Variants in GABRA6 observed in about 807,000 individuals in gnomAD.
The protein encoded by GABRA6 is gamma-aminobutyric acid type A receptor subunit alpha6, also known as gamma-aminobutyric acid receptor subunit alpha-6.
GABRA6 carries 45 observed loss-of-function variants against 47.3 expected under a neutral mutation model. That is an observed-to-expected ratio of 0.95 (90% CI 0.75 to 1.22). The LOEUF is 1.22. Ranked by LOEUF, GABRA6 falls within the 50% of genes most tolerant of loss-of-function variation. The probability of loss-of-function intolerance (pLI) is 0.00; values close to 1 mark genes in which losing one functional copy is unlikely to be tolerated. For missense variants in GABRA6, 583 were observed against 549.3 expected, an observed-to-expected ratio of 1.06 and a Z score of -0.61; for synonymous variants, 219 against 194.7, an observed-to-expected ratio of 1.12 and a Z score of -1.04.
intron 3 of GABRA6, 109 bp downstream of exon 3, chr5:161,687,112 A>G: frequency 1.1e-6 from 1 of 873,522 alleles, no homozygotes; most frequent in Non-Finnish European, 1.9e-6. Context: ...GATTCATGAC[A>G]CAATATTTGT....
Position 161,690,188 on chromosome 5 carries a change from T to A in GABRA6, c.674-13T>A. 6.2e-7 allele frequency: 1 copy of A among 1,612,636 alleles called. No homozygotes were observed. Among genetic ancestry groups the A allele is most frequent in the Non-Finnish European group, 8.5e-7 (1 of 1,178,784 alleles). ...TCAGCAGTAATAATACTGATGTATG[T>A]GTCTTCCAACAGGTGAATACGTTAT... On this transcript the variant is annotated splice_polypyrimidine_tract_variant and intron_variant, in intron 6 of 8. Coordinates refer to ENST00000274545, the MANE Select transcript of GABRA6 (RefSeq NM_000811.3).
intron 8 of GABRA6, among the ~76,000 whole-genome samples, chr5:161,698,369 C>T (rs1421160961): frequency 6.6e-6 from 1 of 151,666 alleles, no homozygotes; most frequent in African/African-American, 2.4e-5. Context: ...AGTTTGGTAG[C>T]AAAAGATATG....
intron 8 of GABRA6, among the ~76,000 whole-genome samples, chr5:161,692,866 C>T (rs1007544351): frequency 1.3e-5 from 2 of 152,082 alleles, no homozygotes; most frequent in African/African-American, 4.8e-5. Context: ...GAATAAGAAA[C>T]AAATGGTAAC....
intron 7 of GABRA6, 33 bp from the exon 8 acceptor site, chr5:161,691,908 T>C: frequency 6.2e-7 from 1 of 1,601,416 alleles, no homozygotes; most frequent in Admixed American, 1.7e-5. Flanking sequence ...TTCCCAGTAC[T>C]AATATTACAA....
chr5:161,689,703 A>C lies in GABRA6; in HGVS notation c.597A>C (p.Pro199=). 3 of 1,611,232 alleles carry C rather than the reference A, an allele frequency of 1.9e-6. No individual in the cohort carries two copies. The highest frequency in any genetic ancestry group is 2.5e-6 in the Non-Finnish European group (3 of 1,177,418). ...GACCACTTTACTCAGTAGAAGTCCC[A>C]GAAGAATCTTCAAGCCTTCTCCAGT... is the stretch of plus-strand genomic sequence containing the variant. The part of the protein sequence containing the change: ...KKGPLYSVEV[P]EESSSLLQYD... Residue 199 remains proline, a synonymous_variant, in exon 6 of 9, where the codon CCA becomes CCC. Transcript: ENST00000274545.
Position 161,701,843 on chromosome 5 carries a change from C to A in GABRA6, c.*70C>A. On this transcript the variant is annotated 3_prime_UTR_variant, in exon 9 of 9. Transcript: ENST00000274545. ...TTTCCTATGTTTTCTTAAAAAATAG[C>A]ATTGAGACTTGTGTAGATGCTTCTC... The A allele has an allele frequency of 6.7e-7, 1 of 1,492,824 alleles. No individual in the cohort carries two copies. The highest frequency in any genetic ancestry group is 9.3e-7 in the Non-Finnish European group (1 of 1,072,672). 92.5% of individuals were successfully genotyped at this position (1,492,824 alleles called of 1,614,324 possible).
intron 8 of GABRA6, among the ~76,000 whole-genome samples, chr5:161,696,868 C>T (rs1000050924): frequency 6.6e-6 from 1 of 152,112 alleles, no homozygotes; most frequent in African/African-American, 2.4e-5. Context: ...TCTGTGTTGT[C>T]CCTCTTTGCT....
chr5:161,701,397 G>C, intron 8 of GABRA6, 101 bp from the exon 9 acceptor site: 4 of 1,283,284 alleles, frequency 3.1e-6, no homozygotes, highest in Non-Finnish European at 4.5e-6. Flanking sequence ...TAGAAAGTAA[G>C]TCGTCAATAA....
At chr5:161,688,634 T>A (rs6556557) in intron 3 of GABRA6, among the ~76,000 whole-genome samples, 147,496 of 152,252 alleles carry the variant, frequency 0.97, 71,606 homozygotes, top group East Asian at 1. Context: ...TATTTCCATA[T>A]TTTTTTTCTA....
chr5:161,687,864 A>G (rs1171529100), intron 3 of GABRA6, among the ~76,000 whole-genome samples: 2 of 152,188 alleles, frequency 1.3e-5, no homozygotes, highest in Non-Finnish European at 2.9e-5. Flanking sequence ...AAAAGAAAGA[A>G]GAAATAAAAT....
intron 8 of GABRA6, among the ~76,000 whole-genome samples, chr5:161,701,125 C>T (rs932971866): frequency 2.0e-5 from 3 of 152,168 alleles, no homozygotes; most frequent in African/African-American, 4.8e-5. Flanking sequence ...CCAATACACA[C>T]TATTGCCCAA....
intron 3 of GABRA6, among the ~76,000 whole-genome samples, chr5:161,688,662 T>G: frequency 6.6e-6 from 1 of 152,168 alleles, no homozygotes; most frequent in Non-Finnish European, 1.5e-5. Context: ...AAGGACATAT[T>G]GATAGATGGA....
At chr5:161,695,224 G>T (rs199680426) in intron 8 of GABRA6, among the ~76,000 whole-genome samples, 1 of 152,102 alleles carries the variant, frequency 6.6e-6, no homozygotes, top group East Asian at 1.9e-4. Flanking sequence ...CTTAAAACAT[G>T]ATAGTAATGG....
intron 8 of GABRA6, among the ~76,000 whole-genome samples, chr5:161,694,820 A>G (rs905573166): frequency 1.3e-5 from 2 of 152,194 alleles, no homozygotes; most frequent in Non-Finnish European, 2.9e-5. Context: ...CCTTGAAGGT[A>G]TCAAAACTAA....
chr5:161,689,579 GA>G (rs745531277), intron 5 of GABRA6, 56 bp from the exon 6 acceptor site: 10 of 1,472,212 alleles, frequency 6.8e-6, no homozygotes, highest in South Asian at 4.7e-5. Context: ...CACTTTGAAG[GA>G]AAAAAAGACA....
intron 3 of GABRA6, chr5:161,687,585 C>T (rs1239303553): frequency 6.6e-6 from 3 of 452,756 alleles, no homozygotes; most frequent in Non-Finnish European, 1.3e-5. Flanking sequence ...AAAACTTGAA[C>T]TCATCTTTTA....
intron 8 of GABRA6, among the ~76,000 whole-genome samples, chr5:161,694,622 G>T (rs183905879): frequency 1.3e-5 from 2 of 152,020 alleles, no homozygotes; most frequent in African/African-American, 4.8e-5. Flanking sequence ...TTAAAAAATG[G>T]TATGTAAATT....
chr5:161,692,896 T>C (rs73307566), intron 8 of GABRA6, among the ~76,000 whole-genome samples: 1 of 152,164 alleles, frequency 6.6e-6, no homozygotes. Flanking sequence ...TCAAGGGCCA[T>C]TAATATGCCC....
rs975680209 is a variant in GABRA6, at chr5:161,698,168, A to G, written c.1087-3330A>G. ...ACTGTGTTTTAAATACTTGCTAGGCACTGTGGAATGCTCATACATATGAAT... is the reference window on the plus strand; with the variant it reads ...ACTGTGTTTTAAATACTTGCTAGGCGCTGTGGAATGCTCATACATATGAAT... On this transcript the variant is annotated intron_variant, in intron 8 of 8. Transcript: ENST00000274545. Among the ~76,000 whole-genome samples, 3 of 152,320 alleles carry G rather than the reference A, an allele frequency of 2.0e-5. No homozygotes were observed. In the East Asian group the frequency reaches 5.8e-4, roughly 29 times the overall value.
Sources: gnomAD v4.1 joint callset for allele counts (sites outside exome capture counted in the v4.1 genomes callset) on GRCh38, gnomAD v4.1.1 for gene constraint, MANE v1.5 for transcripts, NCBI Gene and HGNC (gene_info 2026-07-23, HGNC 2026-07-21) for gene names.